The following KCNMA1 variants were observed in gnomAD, a reference collection of about 807,000 sequenced individuals.
KCNMA1 encodes the protein potassium calcium-activated channel subfamily M alpha 1.
In KCNMA1, 29 loss-of-function variants were observed where a neutral mutation model predicts 140.0. The ratio of observed to expected loss-of-function variants is 0.21; its 90% CI spans 0.15 to 0.28. The LOEUF (loss-of-function observed/expected upper bound fraction) is 0.28. Among genes scored for constraint, KCNMA1 ranks in the 10% least tolerant of loss-of-function variants. The pLI is 1.00. For synonymous variants in KCNMA1, 612 were observed against 611.9 expected, an observed-to-expected ratio of 1.00 and a Z score of 0.00; for missense variants, 880 against 1,602.2, an observed-to-expected ratio of 0.55 and a Z score of 7.70.
chr10:77,543,445 G>T (rs1234158870), intron 1 of KCNMA1, among the ~76,000 whole-genome samples: 1 of 152,070 alleles, frequency 6.6e-6, no homozygotes, highest in Non-Finnish European at 1.5e-5. Context: ...AAAAAATATG[G>T]CACTTGTGAA....
chr10:77,040,054 T>C (rs890710777), intron 14 of KCNMA1, among the ~76,000 whole-genome samples: 16 of 151,324 alleles, frequency 1.1e-4, no homozygotes, highest in African/African-American at 3.4e-4. Flanking sequence ...GGCAATTTTT[T>C]TTTTTTTAAG....
chr10:76,966,881 T>G (rs144470773), intron 20 of KCNMA1, among the ~76,000 whole-genome samples: 1 of 152,310 alleles, frequency 6.6e-6, no homozygotes, highest in East Asian at 1.9e-4. Flanking sequence ...ACATGAGGGT[T>G]GTTTTCTGTT....
intron 2 of KCNMA1, among the ~76,000 whole-genome samples, chr10:77,342,489 CT>C (rs1796327615): frequency 1.3e-5 from 2 of 152,146 alleles, no homozygotes; most frequent in South Asian, 4.1e-4. Context: ...GGCCCACAAT[CT>C]TATGGGACAG....
At chr10:77,551,334 A>G (rs1305323992) in intron 1 of KCNMA1, among the ~76,000 whole-genome samples, 1 of 152,202 alleles carries the variant, frequency 6.6e-6, no homozygotes, top group Non-Finnish European at 1.5e-5. Context: ...AAAATTCATC[A>G]TATGTCACAG....
intron 3 of KCNMA1, among the ~76,000 whole-genome samples, chr10:77,202,438 G>A (rs1276092206): frequency 1.3e-5 from 2 of 152,166 alleles, no homozygotes; most frequent in African/African-American, 4.8e-5. Flanking sequence ...GTAACAAGCT[G>A]TGCTGAATAA....
chr10:77,027,292 G>C (rs137994007), intron 16 of KCNMA1, among the ~76,000 whole-genome samples: 53 of 152,300 alleles, frequency 3.5e-4, no homozygotes, highest in African/African-American at 1.2e-3. Flanking sequence ...TCCTGCCTCT[G>C]AGCTCCACTC....
chr10:77,540,442 T>C (rs1216201115), intron 1 of KCNMA1, among the ~76,000 whole-genome samples: 1 of 152,240 alleles, frequency 6.6e-6, no homozygotes, highest in Non-Finnish European at 1.5e-5. Flanking sequence ...TATAATTTGT[T>C]CATATAACTT....
chr10:76,897,607 A>G, intron 25 of KCNMA1, among the ~76,000 whole-genome samples: 2 of 152,226 alleles, frequency 1.3e-5, no homozygotes, highest in East Asian at 3.9e-4. Context: ...TAGAAACAAA[A>G]ATTAGCTTCT....
chr10:77,233,428 C>T (rs2054291287), intron 3 of KCNMA1, among the ~76,000 whole-genome samples: 3 of 152,206 alleles, frequency 2.0e-5, no homozygotes, highest in Admixed American at 2.0e-4. Context: ...TTATTAACCT[C>T]TAATTCAAAT....
intron 5 of KCNMA1, among the ~76,000 whole-genome samples, chr10:77,170,269 T>C (rs1425401407): frequency 1.3e-5 from 2 of 152,224 alleles, no homozygotes; most frequent in Non-Finnish European, 2.9e-5. Context: ...CTTACTCTCA[T>C]GAGCAGGCTT....
chr10:77,185,285 T>C (rs1169578992), intron 3 of KCNMA1, among the ~76,000 whole-genome samples: 1 of 152,098 alleles, frequency 6.6e-6, no homozygotes, highest in Non-Finnish European at 1.5e-5. Flanking sequence ...AGAACTTCTT[T>C]CTTTCTTTGA....
chr10:77,313,683 A>G (rs1265668749), intron 2 of KCNMA1, among the ~76,000 whole-genome samples: 1 of 152,148 alleles, frequency 6.6e-6, no homozygotes, highest in African/African-American at 2.4e-5. Context: ...GCTGTGTCTT[A>G]TTTACCTTAT....
intron 2 of KCNMA1, among the ~76,000 whole-genome samples, chr10:77,333,364 A>G (rs2087337616): frequency 6.8e-6 from 1 of 147,778 alleles, no homozygotes. Context: ...AAAAAAAAAA[A>G]GAAAAAAGAA....
chr10:77,514,927 A>C (rs1199400648), intron 1 of KCNMA1, among the ~76,000 whole-genome samples: 1 of 152,008 alleles, frequency 6.6e-6, no homozygotes, highest in Non-Finnish European at 1.5e-5. Context: ...CCAGTAATAC[A>C]GCCTAGGGCC....
At chr10:77,152,280 GT>G (rs56697782) in intron 5 of KCNMA1, among the ~76,000 whole-genome samples, 50,432 of 127,096 alleles carry the variant, frequency 0.4, 9,259 homozygotes, top group East Asian at 0.74. Context: ...TTTTGCTTTT[GT>G]GTGTGTGTGT....
At chr10:77,470,420 A>G (rs1219723668) in intron 1 of KCNMA1, among the ~76,000 whole-genome samples, 1 of 152,092 alleles carries the variant, frequency 6.6e-6, no homozygotes, top group Non-Finnish European at 1.5e-5. Context: ...AGGGCAGCAG[A>G]AGAGCTTCAT....
At chr10:77,390,737 C>T (rs1204666054) in intron 2 of KCNMA1, among the ~76,000 whole-genome samples, 5 of 152,222 alleles carry the variant, frequency 3.3e-5, no homozygotes, top group Admixed American at 3.3e-4. Flanking sequence ...CACTTCCAAA[C>T]CCCACGCCTT....
chr10:77,168,917 C>T (rs1078740), intron 5 of KCNMA1, among the ~76,000 whole-genome samples: 3,658 of 152,256 alleles, frequency 0.024, 164 homozygotes, highest in African/African-American at 0.083. Flanking sequence ...CTATCTTCTT[C>T]ATGTCATTGC....
chr10:77,016,220 C>T (rs995109770), intron 17 of KCNMA1, among the ~76,000 whole-genome samples: 19 of 152,118 alleles, frequency 1.2e-4, no homozygotes, highest in African/African-American at 4.3e-4. Context: ...TTCCCTTCAT[C>T]TCAATCTCTG....
Sources: allele counts gnomAD v4.1 joint callset (sites outside exome capture counted in the v4.1 genomes callset), GRCh38; gene constraint gnomAD v4.1.1; transcripts MANE v1.5; gene names NCBI Gene and HGNC (gene_info 2026-07-23, HGNC 2026-07-21).